The following PPP2R2C variants were observed in gnomAD, a reference collection of about 807,000 sequenced individuals.
PPP2R2C encodes the protein protein phosphatase 2 regulatory subunit Bgamma, also known as protein phosphatase 2, regulatory subunit B, gamma.
In PPP2R2C, 10 loss-of-function variants were observed where a neutral mutation model predicts 45.3. The observed-to-expected ratio is 0.22, with a 90% CI of 0.14 to 0.37. PPP2R2C has a LOEUF of 0.37. PPP2R2C is among the 10% of genes least tolerant of loss of function. The pLI is 1.00. For synonymous variants in PPP2R2C, 257 were observed against 245.4 expected, an observed-to-expected ratio of 1.05 and a Z score of -0.44; for missense variants, 308 against 619.7, an observed-to-expected ratio of 0.50 and a Z score of 5.34.
chr4:6,332,111 T>C lies in PPP2R2C; in HGVS notation c.960+1451A>G, dbSNP rs532247874. Among the ~76,000 whole-genome samples, 3 of 152,192 alleles carry C rather than the reference T, an allele frequency of 2.0e-5. No homozygotes were observed. Among genetic ancestry groups the C allele is most frequent in the Non-Finnish European group, 2.9e-5 (2 of 68,030 alleles). On this transcript the variant is annotated intron_variant, in intron 7 of 8. Coordinates refer to ENST00000382599, the MANE Select transcript of PPP2R2C (RefSeq NM_020416.4). The surrounding 1 kb of genome is among the most constrained non-coding windows in gnomAD (Gnocchi z 4.9). The stretch of plus-strand genomic sequence containing the variant: ...GTCCCCCTCCCCCTGAAAATGCTCA[T>C]AGAACACATTCCACGTAGTTTCAGG...
chr4:6,393,636 G>T (rs1716806854), intron 1 of PPP2R2C, among the ~76,000 whole-genome samples: 1 of 152,194 alleles, frequency 6.6e-6, no homozygotes, highest in Non-Finnish European at 1.5e-5. Flanking sequence ...GAAGGCCACT[G>T]CCCCTCCCAT....
intron 1 of PPP2R2C, 116 bp from the exon 2 acceptor site, chr4:6,381,210 G>C (rs778914747): frequency 1.3e-6 from 2 of 1,542,272 alleles, no homozygotes; most frequent in Admixed American, 3.9e-5. Context: ...CACAGCCCTG[G>C]GCAGGAGGCA....
chr4:6,420,943 T>C (rs2109392121), intron 1 of PPP2R2C: 2 of 985,198 alleles, frequency 2.0e-6, no homozygotes, highest in Non-Finnish European at 2.4e-6. Context: ...CTACGCCACC[T>C]ACCAGGCAGG....
chr4:6,404,214 T>C (rs949199947), intron 1 of PPP2R2C, among the ~76,000 whole-genome samples: 2 of 152,076 alleles, frequency 1.3e-5, no homozygotes, highest in Non-Finnish European at 1.5e-5. Context: ...GAAAGGTCCT[T>C]AGAGGTCCCC....
At chr4:6,463,724 G>A (rs1721449863) in intron 1 of PPP2R2C, among the ~76,000 whole-genome samples, 1 of 152,196 alleles carries the variant, frequency 6.6e-6, no homozygotes, top group South Asian at 2.1e-4. Context: ...AGAATACCAT[G>A]TCCCAGCACA....
At chr4:6,530,242 T>A (rs1248842345) in intron 2 of PPP2R2C, among the ~76,000 whole-genome samples, 1 of 152,078 alleles carries the variant, frequency 6.6e-6, no homozygotes, top group African/African-American at 2.4e-5. Flanking sequence ...TGTAACTGCA[T>A]CTTGAGTTCT....
intron 6 of PPP2R2C, 135 bp from the exon 7 acceptor site, chr4:6,333,866 T>A: frequency 2.1e-6 from 2 of 931,662 alleles, no homozygotes; most frequent in Non-Finnish European, 3.3e-6. Flanking sequence ...AACCTAGAAC[T>A]AAACACTTAC....
intron 2 of PPP2R2C, among the ~76,000 whole-genome samples, chr4:6,515,799 G>A (rs959988653): frequency 6.6e-6 from 1 of 152,186 alleles, no homozygotes; most frequent in Non-Finnish European, 1.5e-5. Flanking sequence ...AGCTGTCCTG[G>A]AAACCAGAAG....
intron 1 of PPP2R2C, among the ~76,000 whole-genome samples, chr4:6,438,711 G>A (rs1288528227): frequency 1.3e-5 from 2 of 152,158 alleles, no homozygotes; most frequent in Non-Finnish European, 2.9e-5. Context: ...GATGTCATTT[G>A]TTTGGGATTT....
intron 3 of PPP2R2C, among the ~76,000 whole-genome samples, chr4:6,376,457 T>C (rs1398380529): frequency 6.6e-6 from 1 of 151,754 alleles, no homozygotes; most frequent in Non-Finnish European, 1.5e-5. Flanking sequence ...ATGTCTTTTT[T>C]TTTTTTTCTT....
chr4:6,326,696 C>G (rs1028021082), intron 8 of PPP2R2C, among the ~76,000 whole-genome samples: 2 of 152,246 alleles, frequency 1.3e-5, no homozygotes, highest in Non-Finnish European at 2.9e-5. Flanking sequence ...GACTTAGGGG[C>G]TTCCTCAAGC....
chr4:6,414,442 G>A (rs997390624), intron 1 of PPP2R2C, among the ~76,000 whole-genome samples: 2 of 152,148 alleles, frequency 1.3e-5, no homozygotes, highest in African/African-American at 2.4e-5. Context: ...AAGTCACGCA[G>A]AAAGCAGGAG....
intron 2 of PPP2R2C, among the ~76,000 whole-genome samples, chr4:6,490,690 G>C (rs1722676094): frequency 6.6e-6 from 1 of 152,206 alleles, no homozygotes; most frequent in African/African-American, 2.4e-5. Context: ...CCACTCCAGG[G>C]AGAGCGGACG....
chr4:6,527,008 G>A (rs1419610301), intron 2 of PPP2R2C, among the ~76,000 whole-genome samples: 1 of 152,118 alleles, frequency 6.6e-6, no homozygotes, highest in Non-Finnish European at 1.5e-5. Context: ...AGTGGGAGAC[G>A]CCAACCACGG....
intron 1 of PPP2R2C, among the ~76,000 whole-genome samples, chr4:6,556,238 CTAAG>C (rs1201901365): frequency 6.6e-6 from 1 of 152,156 alleles, no homozygotes; most frequent in Non-Finnish European, 1.5e-5. Context: ...AATCAGTAGA[CTAAG>C]TAATCCCACT....
chr4:6,481,076 C>T (rs1442358733), intron 2 of PPP2R2C, among the ~76,000 whole-genome samples: 2 of 152,184 alleles, frequency 1.3e-5, no homozygotes, highest in African/African-American at 4.8e-5. Context: ...CAAACCTATC[C>T]TCTGTCTGTT....
intron 1 of PPP2R2C, among the ~76,000 whole-genome samples, chr4:6,458,171 C>T (rs1397953284): frequency 6.6e-6 from 1 of 152,238 alleles, no homozygotes; most frequent in African/African-American, 2.4e-5. Context: ...CTCTGCTGAG[C>T]ATCATCTTTG....
chr4:6,542,201 C>G (rs538766378), intron 1 of PPP2R2C, among the ~76,000 whole-genome samples: 1 of 152,172 alleles, frequency 6.6e-6, no homozygotes, highest in Non-Finnish European at 1.5e-5. Context: ...CAACAATAAC[C>G]CCTGGAGATC....
intron 2 of PPP2R2C, among the ~76,000 whole-genome samples, chr4:6,494,740 A>C (rs1722818818): frequency 1.3e-5 from 2 of 152,222 alleles, no homozygotes; most frequent in Non-Finnish European, 2.9e-5. Flanking sequence ...TCAGGGATGC[A>C]TGGGAAGGGA....
Sources: gnomAD v4.1 joint callset for allele counts (sites outside exome capture counted in the v4.1 genomes callset) on GRCh38, gnomAD v4.1.1 for gene constraint, Gnocchi (gnomAD v3.1) non-coding constraint, MANE v1.5 for transcripts, NCBI Gene and HGNC (gene_info 2026-07-23, HGNC 2026-07-21) for gene names.